Variants in ADGRL2 observed in about 807,000 individuals in gnomAD.
ADGRL2 encodes calcium-independent alpha-latrotoxin receptor 2.
ADGRL2 carries 44 observed loss-of-function variants against 157.4 expected under a neutral mutation model. The ratio of observed to expected loss-of-function variants is 0.28; its 90% CI spans 0.22 to 0.36. ADGRL2 has a LOEUF of 0.36. ADGRL2 is among the 10% of genes least tolerant of loss of function. The pLI, the probability that ADGRL2 is intolerant of heterozygous loss-of-function variation, is 1.00. For synonymous variants in ADGRL2, 585 were observed against 624.7 expected, an observed-to-expected ratio of 0.94 and a Z score of 0.95; for missense variants, 1,510 against 1,768.9, an observed-to-expected ratio of 0.85 and a Z score of 2.63.
At chr1:81,546,747 C>A (rs1396552404) in intron 2 of ADGRL2, among the ~76,000 whole-genome samples, 2 of 152,186 alleles carry the variant, frequency 1.3e-5, no homozygotes, top group African/African-American at 4.8e-5. Context: ...GCCTCTCCAC[C>A]TGGATTTACA....
At chr1:81,626,317 T>C (rs1030513765) in intron 3 of ADGRL2, among the ~76,000 whole-genome samples, 1 of 152,180 alleles carries the variant, frequency 6.6e-6, no homozygotes, top group African/African-American at 2.4e-5. Context: ...CCTTTTTATT[T>C]TTTTTGAGAC....
chr1:81,970,257 G>A, intron 15 of ADGRL2, 57 bp from the exon 16 acceptor site: 1 of 1,120,240 alleles, frequency 8.9e-7, no homozygotes, highest in Non-Finnish European at 1.4e-6. Flanking sequence ...TAATTTTGGA[G>A]TGGGCTATTT....
intron 2 of ADGRL2, among the ~76,000 whole-genome samples, chr1:81,779,184 A>G (rs1407327003): frequency 6.6e-6 from 1 of 152,146 alleles, no homozygotes; most frequent in Non-Finnish European, 1.5e-5. Flanking sequence ...CTTACATTCC[A>G]CTACAGGAAA....
intron 3 of ADGRL2, among the ~76,000 whole-genome samples, chr1:81,620,311 T>G (rs1352429870): frequency 1.3e-5 from 2 of 152,218 alleles, no homozygotes; most frequent in Non-Finnish European, 2.9e-5. Flanking sequence ...CATAATTCAT[T>G]TTTGCATGTG....
chr1:81,322,115 T>TATATATACAC (rs1557595171), intron 1 of ADGRL2, among the ~76,000 whole-genome samples: 163 of 119,690 alleles, frequency 1.4e-3, no homozygotes, highest in Middle Eastern at 4.5e-3. Context: ...TATATACACA[T>TATATATACAC]ATATATATAC....
chr1:81,837,085 T>C (rs933571628), intron 2 of ADGRL2, 28 bp downstream of exon 2: 4 of 1,367,784 alleles, frequency 2.9e-6, no homozygotes, highest in Non-Finnish European at 3.1e-6. Context: ...TTTTGTTTTT[T>C]AAATCCAGGA....
chr1:81,929,742 G>C (rs2095186934), intron 3 of ADGRL2, among the ~76,000 whole-genome samples: 2 of 152,124 alleles, frequency 1.3e-5, no homozygotes, highest in African/African-American at 2.4e-5. Context: ...GACTACTGTG[G>C]AAGAGTAAAA....
At chr1:81,436,898 T>C (rs2077419814) in intron 1 of ADGRL2, among the ~76,000 whole-genome samples, 1 of 152,254 alleles carries the variant, frequency 6.6e-6, no homozygotes. Flanking sequence ...CTGACAAAAG[T>C]GATTTGGAGT....
At chr1:81,432,855 G>A (rs980497096) in intron 1 of ADGRL2, among the ~76,000 whole-genome samples, 7 of 152,254 alleles carry the variant, frequency 4.6e-5, no homozygotes, top group East Asian at 1.9e-4. Context: ...ATCTATAAAC[G>A]TCTTTCCTTT....
chr1:81,948,831 A>G (rs994057443), intron 6 of ADGRL2, among the ~76,000 whole-genome samples: 1 of 152,074 alleles, frequency 6.6e-6, no homozygotes, highest in African/African-American at 2.4e-5. Context: ...CTTGAGGTAG[A>G]GGGGGGGAAA....
At chr1:81,394,647 A>C (rs1475747842) in intron 1 of ADGRL2, among the ~76,000 whole-genome samples, 1 of 152,130 alleles carries the variant, frequency 6.6e-6, no homozygotes, top group African/African-American at 2.4e-5. Flanking sequence ...TATCTTGACT[A>C]TTGTGAATAG....
At chr1:81,634,104 T>C (rs1007957647) in intron 3 of ADGRL2, among the ~76,000 whole-genome samples, 2 of 152,056 alleles carry the variant, frequency 1.3e-5, no homozygotes, top group Non-Finnish European at 2.9e-5. Flanking sequence ...AGTAGAAGAA[T>C]CAAAAGAAAG....
chr1:81,704,441 T>A (rs904429218), intron 1 of ADGRL2, among the ~76,000 whole-genome samples: 2 of 152,276 alleles, frequency 1.3e-5, no homozygotes, highest in Admixed American at 6.5e-5. Flanking sequence ...ACAGGGGCGC[T>A]GAGCATTGAG....
At chr1:81,760,444 G>C (rs1251359776) in intron 1 of ADGRL2, among the ~76,000 whole-genome samples, 1 of 152,058 alleles carries the variant, frequency 6.6e-6, no homozygotes, top group African/African-American at 2.4e-5. Flanking sequence ...CTCATGGAAT[G>C]TCTCCTTACT....
intron 3 of ADGRL2, among the ~76,000 whole-genome samples, chr1:81,689,053 G>A (rs2083282444): frequency 1.3e-5 from 2 of 152,220 alleles, no homozygotes; most frequent in Admixed American, 6.5e-5. Flanking sequence ...TGGAGAACAG[G>A]TGTCCACCAG....
intron 2 of ADGRL2, among the ~76,000 whole-genome samples, chr1:81,518,860 C>CA (rs2079244022): frequency 6.6e-6 from 1 of 151,246 alleles, no homozygotes; most frequent in African/African-American, 2.4e-5. Flanking sequence ...AGATATATAA[C>CA]AAGAGCTGAG....
rs145025420 is a variant in ADGRL2, at chr1:81,930,482, G to T, written c.288-6246G>T. 2.4e-3 allele frequency among the ~76,000 whole-genome samples: 369 copies of T among 152,186 alleles called. 2 individuals are homozygous for T. Among genetic ancestry groups the T allele is most frequent in the African/African-American group, 8.6e-3 (357 of 41,526 alleles). On this transcript the variant is annotated intron_variant, in intron 3 of 23. Coordinates refer to ENST00000686636, the MANE Select transcript of ADGRL2 (RefSeq NM_001366006.2). Reference sequence around the variant, plus strand: ...GTTAATATTGAGACCTGAGAACATTGATTACATCTGGAAGATAAAATATAC... The same window carrying T: ...GTTAATATTGAGACCTGAGAACATTTATTACATCTGGAAGATAAAATATAC...
intron 3 of ADGRL2, among the ~76,000 whole-genome samples, chr1:81,685,999 G>A (rs1190372097): frequency 6.6e-6 from 1 of 152,130 alleles, no homozygotes; most frequent in Non-Finnish European, 1.5e-5. Context: ...CTTGATCATG[G>A]TGGATTATCT....
chr1:81,399,496 T>C (rs983689347), intron 1 of ADGRL2, among the ~76,000 whole-genome samples: 1 of 152,166 alleles, frequency 6.6e-6, no homozygotes, highest in Non-Finnish European at 1.5e-5. Flanking sequence ...CCTTTTTTTT[T>C]CTGATTGAGT....
Sources: gnomAD v4.1 joint callset for allele counts (sites outside exome capture counted in the v4.1 genomes callset) on GRCh38, gnomAD v4.1.1 for gene constraint, MANE v1.5 for transcripts, NCBI Gene and HGNC (gene_info 2026-07-23, HGNC 2026-07-21) for gene names.